TMEM132C: variants seen among roughly 807,000 people sequenced by gnomAD.
The protein encoded by TMEM132C is transmembrane protein 132C, also known as protein phosphatase 1, regulatory subunit 152.
Under a neutral mutation model 61.4 loss-of-function variants are expected in TMEM132C, and 29 were observed. The ratio of observed to expected loss-of-function variants is 0.47; its 90% CI spans 0.35 to 0.64. TMEM132C has a LOEUF of 0.64. Among genes scored for constraint, TMEM132C ranks in the 30% least tolerant of loss-of-function variants. The probability of loss-of-function intolerance (pLI) is 0.00; values close to 1 mark genes in which losing one functional copy is unlikely to be tolerated. For synonymous variants in TMEM132C, 656 were observed against 633.1 expected, an observed-to-expected ratio of 1.04 and a Z score of -0.54; for missense variants, 1,408 against 1,476.9, an observed-to-expected ratio of 0.95 and a Z score of 0.76.
At chr12:128,451,910 A>G (rs1298807188) in intron 2 of TMEM132C, among the ~76,000 whole-genome samples, 1 of 152,158 alleles carries the variant, frequency 6.6e-6, no homozygotes, top group East Asian at 1.9e-4. Flanking sequence ...TAGGTGGACG[A>G]CCACCAGACA....
chr12:128,462,247 A>G (rs1015724977), intron 2 of TMEM132C, among the ~76,000 whole-genome samples: 1 of 152,132 alleles, frequency 6.6e-6, no homozygotes, highest in Admixed American at 6.6e-5. Flanking sequence ...CTAGGATTGC[A>G]AGTGCCAGCC....
chr12:128,688,093 C>T (rs370971480), intron 5 of TMEM132C, among the ~76,000 whole-genome samples: 4 of 152,318 alleles, frequency 2.6e-5, no homozygotes, highest in Non-Finnish European at 4.4e-5. Flanking sequence ...GGAGAGGTTC[C>T]GGACTACTAC....
chr12:128,656,950 G>A (rs1352024599), intron 4 of TMEM132C, among the ~76,000 whole-genome samples: 1 of 152,146 alleles, frequency 6.6e-6, no homozygotes, highest in Non-Finnish European at 1.5e-5. Flanking sequence ...CTACCTCTGG[G>A]ATTCAAGGTC....
At chr12:128,402,268 G>A (rs1875187410) in intron 1 of TMEM132C, among the ~76,000 whole-genome samples, 1 of 152,084 alleles carries the variant, frequency 6.6e-6, no homozygotes, top group African/African-American at 2.4e-5. Flanking sequence ...ATGGGTATAT[G>A]TGAGGGATGT....
At chr12:128,636,433 A>T in intron 4 of TMEM132C, among the ~76,000 whole-genome samples, 1 of 152,162 alleles carries the variant, frequency 6.6e-6, no homozygotes, top group East Asian at 1.9e-4. Flanking sequence ...ACACAATTTC[A>T]TCAATTTGGA....
chr12:128,366,795 C>A (rs1193787949), intron 1 of TMEM132C, among the ~76,000 whole-genome samples: 1 of 152,196 alleles, frequency 6.6e-6, no homozygotes, highest in Non-Finnish European at 1.5e-5. Context: ...GTATTAAGTA[C>A]GTCTTATGTG....
intron 3 of TMEM132C, among the ~76,000 whole-genome samples, chr12:128,590,851 A>T (rs967381856): frequency 1.3e-5 from 2 of 152,126 alleles, no homozygotes; most frequent in Non-Finnish European, 2.9e-5. Context: ...ATCACAGCTC[A>T]TTGCAGCCCT....
At chr12:128,576,190 T>A (rs577302632) in intron 3 of TMEM132C, among the ~76,000 whole-genome samples, 1 of 150,732 alleles carries the variant, frequency 6.6e-6, no homozygotes, top group South Asian at 2.1e-4. Context: ...GAAGGGGGAG[T>A]TTGCAGTGAG....
chr12:128,363,845 G>GA (rs528314942), intron 1 of TMEM132C, among the ~76,000 whole-genome samples: 41,663 of 101,042 alleles, frequency 0.41, 7,977 homozygotes, highest in East Asian at 0.5. Flanking sequence ...ACTCTGTCTC[G>GA]AAAAAAAAAA....
At chr12:128,655,199 C>A (rs1009368737) in intron 4 of TMEM132C, among the ~76,000 whole-genome samples, 1 of 152,192 alleles carries the variant, frequency 6.6e-6, no homozygotes, top group African/African-American at 2.4e-5. Context: ...CTGCCCTTCG[C>A]AAGCCGGCGG....
Position 128,383,112 on chromosome 12 carries a change from A to G in TMEM132C, c.86-31620A>G, listed in dbSNP as rs74501913. On this transcript the variant is annotated intron_variant, in intron 1 of 8. Coordinates refer to ENST00000435159, the MANE Select transcript of TMEM132C (RefSeq NM_001136103.3). The stretch of plus-strand genomic sequence containing the variant: ...TGCATCTGTGTGTACATGTGTATAC[A>G]TGTGTGTGTATGCAGTTGTTTAGGT... Among the ~76,000 whole-genome samples the G allele has an allele frequency of 5.5e-5, 6 of 108,756 alleles. No individual in the cohort carries two copies. The East Asian group carries it at 1.9e-3, about 35-fold the overall frequency. 71.3% of individuals were successfully genotyped at this position (108,756 alleles called of 152,430 possible). A position where few individuals can be genotyped will look rare whatever the true frequency, so the allele number is the denominator to read the frequency against.
intron 4 of TMEM132C, among the ~76,000 whole-genome samples, chr12:128,622,233 A>G (rs1317370462): frequency 1.3e-5 from 2 of 149,316 alleles, no homozygotes; most frequent in Non-Finnish European, 3.0e-5. Context: ...ATTCCCAGCT[A>G]CTCGGGAGGC....
intron 2 of TMEM132C, among the ~76,000 whole-genome samples, chr12:128,493,095 A>G (rs11613587): frequency 6.6e-6 from 1 of 152,184 alleles, no homozygotes; most frequent in Non-Finnish European, 1.5e-5. Context: ...AGCACCATTT[A>G]TTAAATAGGG....
intron 4 of TMEM132C, among the ~76,000 whole-genome samples, chr12:128,645,229 C>A (rs932464613): frequency 2.6e-5 from 4 of 152,178 alleles, no homozygotes; most frequent in African/African-American, 7.2e-5. Context: ...AGAACCAGTA[C>A]GGCCTCTCTC....
At chr12:128,431,483 C>T (rs1361559176) in intron 2 of TMEM132C, among the ~76,000 whole-genome samples, 2 of 151,502 alleles carry the variant, frequency 1.3e-5, no homozygotes, top group African/African-American at 4.9e-5. Context: ...CTGCACTAAA[C>T]AGCAGATCTT....
intron 1 of TMEM132C, among the ~76,000 whole-genome samples, chr12:128,364,314 C>G (rs1352411989): frequency 2.6e-4 from 39 of 149,534 alleles, no homozygotes; most frequent in African/African-American, 9.6e-4. Flanking sequence ...TCTCCCCCTC[C>G]TCCCCTCCCC....
chr12:128,539,902 A>G (rs1166113948), intron 2 of TMEM132C, among the ~76,000 whole-genome samples: 1 of 152,140 alleles, frequency 6.6e-6, no homozygotes, highest in East Asian at 1.9e-4. Flanking sequence ...GGCTCTTCCA[A>G]TCTGAAAACA....
At chr12:128,512,397 CTAACAA>C (rs1872594548) in intron 2 of TMEM132C, among the ~76,000 whole-genome samples, 1 of 152,174 alleles carries the variant, frequency 6.6e-6, no homozygotes, top group Non-Finnish European at 1.5e-5. Context: ...CATTTTCCCC[CTAACAA>C]TATGTCCTGG....
chr12:128,306,293 C>T (rs920751260), intron 1 of TMEM132C, among the ~76,000 whole-genome samples: 2 of 151,880 alleles, frequency 1.3e-5, no homozygotes, highest in Non-Finnish European at 2.9e-5. Flanking sequence ...AGCTCTGCCC[C>T]CCGGGTTCTG....
Sources: allele counts gnomAD v4.1 joint callset (sites outside exome capture counted in the v4.1 genomes callset), GRCh38; gene constraint gnomAD v4.1.1; transcripts MANE v1.5; gene names NCBI Gene and HGNC (gene_info 2026-07-23, HGNC 2026-07-21).